The following CHST8 variants were observed in gnomAD, a reference collection of about 807,000 sequenced individuals.
CHST8 encodes GALNAC-4-ST1.
A neutral mutation model predicts 15.0 loss-of-function variants in CHST8; 10 were observed. That is an observed-to-expected ratio of 0.67 (90% confidence interval 0.41 to 1.13). The LOEUF is 1.13. Among genes scored for constraint, CHST8 ranks in the 50% most tolerant of loss-of-function variants. CHST8 has a pLI of 0.00. For missense variants in CHST8, 634 were observed against 608.2 expected, an observed-to-expected ratio of 1.04 and a Z score of -0.45; for synonymous variants, 259 against 256.6, an observed-to-expected ratio of 1.01 and a Z score of -0.09.
chr19:33,726,367 C>G (rs1181903565), intron 3 of CHST8, among the ~76,000 whole-genome samples: 1 of 152,072 alleles, frequency 6.6e-6, no homozygotes, highest in East Asian at 1.9e-4. Context: ...TCGAGACCAG[C>G]CTGGGCAATA....
At chr19:33,632,717 C>T (rs1369942384) in intron 1 of CHST8, among the ~76,000 whole-genome samples, 1 of 151,940 alleles carries the variant, frequency 6.6e-6, no homozygotes, top group African/African-American at 2.4e-5. Flanking sequence ...AACCGCTCCC[C>T]TTACTTCTAA....
At chr19:33,732,714 G>A (rs1974017385) in intron 3 of CHST8, among the ~76,000 whole-genome samples, 1 of 152,048 alleles carries the variant, frequency 6.6e-6, no homozygotes, top group African/African-American at 2.4e-5. Context: ...TTCACATGAA[G>A]ACACATCCAA....
intron 3 of CHST8, among the ~76,000 whole-genome samples, chr19:33,732,058 A>G (rs1054475033): frequency 2.0e-5 from 3 of 152,182 alleles, no homozygotes; most frequent in African/African-American, 4.8e-5. Context: ...TCTGCCCTGC[A>G]TGAGCTTGGC....
At chr19:33,641,047 C>T (rs1441236715) in intron 1 of CHST8, among the ~76,000 whole-genome samples, 1 of 152,226 alleles carries the variant, frequency 6.6e-6, no homozygotes, top group Admixed American at 6.5e-5. Context: ...CTGAAGGTCC[C>T]TCCCAGCACC....
At chr19:33,746,648 C>T (rs1599613357) in intron 3 of CHST8, among the ~76,000 whole-genome samples, 1 of 152,210 alleles carries the variant, frequency 6.6e-6, no homozygotes, top group African/African-American at 2.4e-5. Context: ...GGACACAGGC[C>T]ATGTTGTCTT....
intron 1 of CHST8, among the ~76,000 whole-genome samples, chr19:33,634,608 G>A (rs908331084): frequency 3.4e-5 from 5 of 147,326 alleles, no homozygotes; most frequent in South Asian, 2.2e-4. Flanking sequence ...GCCCAGCCCC[G>A]GACTCATCAG....
chr19:33,660,953 A>T (rs1972577778), intron 1 of CHST8, among the ~76,000 whole-genome samples: 1 of 152,134 alleles, frequency 6.6e-6, no homozygotes, highest in Non-Finnish European at 1.5e-5. Flanking sequence ...TTTGGGGCCC[A>T]CCTGTCCTGC....
intron 3 of CHST8, among the ~76,000 whole-genome samples, chr19:33,690,216 G>T (rs1973073775): frequency 6.6e-6 from 1 of 152,156 alleles, no homozygotes; most frequent in Admixed American, 6.5e-5. Context: ...CATGCTCTAG[G>T]GCATGGACAA....
chr19:33,731,173 T>G (rs1400829591), intron 3 of CHST8, among the ~76,000 whole-genome samples: 1 of 152,196 alleles, frequency 6.6e-6, no homozygotes, highest in Non-Finnish European at 1.5e-5. Context: ...ATAGTAATCA[T>G]CACAGCAAGT....
intron 3 of CHST8, among the ~76,000 whole-genome samples, chr19:33,696,842 GTT>G (rs554321176): frequency 1.4e-5 from 2 of 141,978 alleles, no homozygotes; most frequent in African/African-American, 2.6e-5. Context: ...TGTTTTTTAA[GTT>G]TTTTTTTTTT....
chr19:33,660,392 G>A lies in CHST8; in HGVS notation c.-163-7375G>A, dbSNP rs112574171. Among the ~76,000 whole-genome samples, 29 of 152,130 alleles carry A rather than the reference G, an allele frequency of 1.9e-4. No homozygotes were observed. The East Asian group carries it at 1.9e-3, about 10-fold the overall frequency. The stretch of plus-strand genomic sequence containing the variant: ...GAATGTTTCCAGCCCCCTTGATGCC[G>A]TTCGTGGTGGGGGCAGAGAGCTGGT... On this transcript the variant is annotated intron_variant, in intron 1 of 4. Coordinates refer to ENST00000650847, the MANE Select transcript of CHST8 (RefSeq NM_001127895.2).
At chr19:33,727,324 C>T (rs758675815) in intron 3 of CHST8, among the ~76,000 whole-genome samples, 1 of 152,158 alleles carries the variant, frequency 6.6e-6, no homozygotes, top group Non-Finnish European at 1.5e-5. Context: ...GGAGGCTGAA[C>T]CAGCCTCCCG....
chr19:33,691,820 C>G (rs941923055), intron 3 of CHST8, among the ~76,000 whole-genome samples: 1 of 152,180 alleles, frequency 6.6e-6, no homozygotes, highest in African/African-American at 2.4e-5. Context: ...GGCAAACAGG[C>G]AGGTGTTGGG....
intron 3 of CHST8, among the ~76,000 whole-genome samples, chr19:33,766,421 T>C (rs1974844260): frequency 1.3e-5 from 2 of 152,152 alleles, no homozygotes; most frequent in South Asian, 2.1e-4. Context: ...GCCAGCACCC[T>C]GCACTCGGGG....
At chr19:33,696,707 C>G (rs565950479) in intron 3 of CHST8, among the ~76,000 whole-genome samples, 6 of 152,156 alleles carry the variant, frequency 3.9e-5, no homozygotes, top group African/African-American at 1.4e-4. Context: ...GTTCCTGGTG[C>G]CAAAAATGTT....
intron 1 of CHST8, 98 bp from the exon 2 acceptor site, chr19:33,667,669 C>T (rs185142430): frequency 7.9e-5 from 12 of 152,278 alleles, no homozygotes; most frequent in South Asian, 2.1e-4. Context: ...ACGACACTCC[C>T]CCTCATAATT....
At chr19:33,649,140 T>C (rs1600235714) in intron 1 of CHST8, among the ~76,000 whole-genome samples, 1 of 151,892 alleles carries the variant, frequency 6.6e-6, no homozygotes, top group East Asian at 1.9e-4. Flanking sequence ...CTGAGCTCAA[T>C]TGATCTGCCC....
chr19:33,689,524 A>G (rs1973056948), intron 3 of CHST8, 133 bp downstream of exon 3: 1 of 1,077,566 alleles, frequency 9.3e-7, no homozygotes, highest in Admixed American at 2.9e-5. Flanking sequence ...CGGCAGGCAG[A>G]GTCCTGGCTT....
intron 3 of CHST8, among the ~76,000 whole-genome samples, chr19:33,770,198 C>T (rs1186935806): frequency 6.6e-6 from 1 of 152,226 alleles, no homozygotes; most frequent in Non-Finnish European, 1.5e-5. Flanking sequence ...GGGCTCCTGC[C>T]ACTGGACCTC....
Sources: gnomAD v4.1 joint callset for allele counts (sites outside exome capture counted in the v4.1 genomes callset) on GRCh38, gnomAD v4.1.1 for gene constraint, MANE v1.5 for transcripts, NCBI Gene and HGNC (gene_info 2026-07-23, HGNC 2026-07-21) for gene names.